Variants in CANX observed in about 807,000 individuals in gnomAD.
CANX encodes the protein epididymis secretory sperm binding protein.
CANX carries 14 observed loss-of-function variants against 75.7 expected under a neutral mutation model. The observed-to-expected ratio is 0.19, with a 90% CI of 0.12 to 0.29. The LOEUF (loss-of-function observed/expected upper bound fraction) is 0.29. Ranked by LOEUF, CANX falls within the 10% of genes least tolerant of loss-of-function variation. CANX has a pLI of 1.00. For synonymous variants in CANX, 227 were observed against 236.9 expected (o/e 0.96, Z 0.38); for missense variants, 567 against 713.2 (o/e 0.79, Z 2.34).
chr5:179,697,772 T>TC (rs1776447628), upstream of CANX, among the ~76,000 whole-genome samples: 1 of 152,094 alleles, frequency 6.6e-6, no homozygotes, highest in Non-Finnish European at 1.5e-5. Flanking sequence ...GCGCCTGTAA[T>TC]CCCAGCTACT....
intron 12 of CANX, among the ~76,000 whole-genome samples, chr5:179,724,110 A>G (rs926991367): frequency 6.6e-6 from 1 of 152,070 alleles, no homozygotes; most frequent in African/African-American, 2.4e-5. Flanking sequence ...GCCTGCTGGC[A>G]TAGCTATTTC....
At chr5:179,699,778 ATGAC>A (rs1460211855) in intron 1 of CANX, 1 of 152,250 alleles carries the variant, frequency 6.6e-6, no homozygotes, top group Non-Finnish European at 1.5e-5. Flanking sequence ...GAGGTATGAA[ATGAC>A]TGGCCCAAGG....
At chr5:179,710,793 G>A (rs947884245) in intron 7 of CANX, among the ~76,000 whole-genome samples, 6 of 141,954 alleles carry the variant, frequency 4.2e-5, no homozygotes, top group Admixed American at 2.1e-4. Flanking sequence ...TTGCTCATGC[G>A]TGTAATCCCA....
chr5:179,705,754 G>C lies in CANX; in HGVS notation c.73G>C (p.Asp25His). 6.2e-7 allele frequency: 1 copy of C among 1,607,366 alleles called. No individual in the cohort carries two copies. The highest frequency in any genetic ancestry group is 2.2e-5 in the East Asian group (1 of 44,826). The change falls in exon 2 of 15, where the codon GAT (aspartate) becomes CAT (histidine). Residue 25 changes from aspartate (D) to histidine (H), a missense_variant. By Grantham distance (81) the Asp-to-His change is moderately conservative. Transcript: ENST00000247461. ...TATTGTTGAGGCTCATGATGGACAT[G>C]ATGATGATGTGATTGATATTGAGGA... ...TAIVEAHDGH[D>H]DDVIDIEDDL...
At position 179,705,511 on chromosome 5, in the gene CANX, A is replaced by G. The variant is rs1470428359; in HGVS notation, c.-3-168A>G. ...GAATCTTTTAACTGATTTTAGGGAA[A>G]CCCTTTAATCTCTCTAGGCTGCCTT... On this transcript the variant is annotated intron_variant, in intron 1 of 14. Coordinates refer to ENST00000247461, the MANE Select transcript of CANX (RefSeq NM_001746.4). 2.0e-5 allele frequency among the ~76,000 whole-genome samples: 3 copies of G among 152,248 alleles called. No individual in the cohort carries two copies. In the East Asian group the frequency reaches 5.8e-4, roughly 29 times the overall value.
chr5:179,721,864 T>C (rs183266011), intron 10 of CANX, among the ~76,000 whole-genome samples: 2 of 152,272 alleles, frequency 1.3e-5, no homozygotes, highest in Admixed American at 6.5e-5. Flanking sequence ...GGTCTGATAC[T>C]GTGAAAACAT....
Position 179,712,506 on chromosome 5 carries a change from C to T in CANX, c.721+2441C>T, listed in dbSNP as rs143667668. ...TGATCTTGGCTCACCACAACCTCTG[C>T]CTCTTGCATTCAAGCGATTCTCCTG... On this transcript the variant is annotated intron_variant, in intron 7 of 14. Coordinates refer to ENST00000247461, the MANE Select transcript of CANX (RefSeq NM_001746.4). Among the ~76,000 whole-genome samples, 412 of 151,972 alleles carry T rather than the reference C, an allele frequency of 2.7e-3. 1 individual carries two copies. The highest frequency in any genetic ancestry group is 9.4e-3 in the African/African-American group (390 of 41,444).
chr5:179,703,268 A>C (rs1302922115), intron 1 of CANX, among the ~76,000 whole-genome samples: 2 of 144,810 alleles, frequency 1.4e-5, no homozygotes, highest in Non-Finnish European at 3.0e-5. Context: ...CCCAGGCTGG[A>C]GTGCAGTGGC....
chr5:179,713,473 G>C (rs1229839074), intron 7 of CANX, among the ~76,000 whole-genome samples: 4 of 152,204 alleles, frequency 2.6e-5, no homozygotes, highest in Non-Finnish European at 5.9e-5. Context: ...AGGGAGAGGG[G>C]TTGAAGACAA....
At chr5:179,680,734 T>G in intron 1 of CANX, 1 of 614,466 alleles carries the variant, frequency 1.6e-6, no homozygotes, top group Non-Finnish European at 2.8e-6. Context: ...GGGAGCTATG[T>G]GTTGTTTCTA....
intron 10 of CANX, among the ~76,000 whole-genome samples, chr5:179,721,910 C>T (rs1207319581): frequency 1.3e-5 from 2 of 151,984 alleles, no homozygotes; most frequent in Non-Finnish European, 2.9e-5. Context: ...TGTATATATA[C>T]ATATACTAAT....
chr5:179,725,238 G>A (rs954465247), intron 13 of CANX, among the ~76,000 whole-genome samples: 3 of 151,954 alleles, frequency 2.0e-5, no homozygotes, highest in African/African-American at 7.2e-5. Context: ...ATATGGTCTG[G>A]CCCTGTTGCC....
In CANX at chr5:179,720,382, TTTG is replaced by T. The variant is rs1316856186; in HGVS notation, c.1026-16_1026-14del. The T allele has an allele frequency of 1.2e-6, 2 of 1,609,260 alleles. No individual in the cohort carries two copies. Among genetic ancestry groups the T allele is most frequent in the South Asian group, 1.1e-5 (1 of 90,884 alleles). ...CCTGCATCACAGAACCTGTTTATAA[TTTG>T]TTGTTTGTACCTCCGTAGGGATGAA... is the stretch of plus-strand genomic sequence containing the variant. On this transcript the variant is annotated intron_variant, in intron 9 of 14. Transcript: ENST00000247461.
At position 179,708,362 on chromosome 5, in the gene CANX, C is replaced by T; in HGVS notation, c.428C>T (p.Thr143Ile). ...CTGAACAAGCCCTTCCTGTTTGACA[C>T]CAAGCCTCTCATTGTTCAGTAAGTG... The part of the protein sequence containing the change: ...AKLNKPFLFD[T>I]KPLIVQYEVN... The change falls in exon 5 of 15, where the codon ACC becomes ATC. Residue 143 changes from threonine (T) to isoleucine (I), a missense_variant. Thr to Ile is a moderately conservative substitution (Grantham distance 89). Transcript: ENST00000247461. 6.2e-7 allele frequency: 1 copy of T among 1,613,070 alleles called. No homozygotes were observed. Among genetic ancestry groups the T allele is most frequent in the South Asian group, 1.1e-5 (1 of 90,984 alleles).
intron 1 of CANX, among the ~76,000 whole-genome samples, chr5:179,685,966 C>T (rs961685141): frequency 1.3e-5 from 2 of 152,188 alleles, no homozygotes; most frequent in South Asian, 2.1e-4. Flanking sequence ...GCTGGGATTA[C>T]AGGCGTGAGT....
intron 13 of CANX, 111 bp from the exon 14 acceptor site, chr5:179,726,569 C>T (rs1289526135): frequency 2.9e-6 from 2 of 678,876 alleles, no homozygotes; most frequent in Non-Finnish European, 5.0e-6. Flanking sequence ...GAGCAAGACT[C>T]TGTCTCCAAA....
At chr5:179,679,272 G>A in intron 1 of CANX, 1 of 1,517,834 alleles carries the variant, frequency 6.6e-7, no homozygotes, top group East Asian at 2.5e-5. Context: ...GCTGCTGGGA[G>A]ACAAGAGTCC....
At chr5:179,725,725 C>T (rs1236815168) in intron 13 of CANX, among the ~76,000 whole-genome samples, 2 of 146,752 alleles carry the variant, frequency 1.4e-5, no homozygotes, top group Non-Finnish European at 3.0e-5. Context: ...CATGGTGGCT[C>T]ACGCCTGTAA....
intron 1 of CANX, 102 bp downstream of exon 1, chr5:179,699,204 G>C: frequency 1.4e-6 from 1 of 718,620 alleles, no homozygotes; most frequent in Non-Finnish European, 1.7e-6. Flanking sequence ...CGACTGAGGG[G>C]TCGGGCTGGC....
Sources: gnomAD v4.1 joint callset for allele counts (sites outside exome capture counted in the v4.1 genomes callset) on GRCh38, gnomAD v4.1.1 for gene constraint, MANE v1.5 for transcripts, NCBI Gene and HGNC (gene_info 2026-07-23, HGNC 2026-07-21) for gene names.